Variants in CLEC2A observed in about 807,000 individuals in gnomAD.
CLEC2A encodes the protein keratinocyte-associated C-type lectin.
Under a neutral mutation model 18.6 loss-of-function variants are expected in CLEC2A, and 19 were observed. The ratio of observed to expected loss-of-function variants is 1.02; its 90% confidence interval spans 0.71 to 1.50. The LOEUF (loss-of-function observed/expected upper bound fraction) is 1.50. Among genes scored for constraint, CLEC2A ranks in the 40% most tolerant of loss-of-function variants. The pLI, the probability that CLEC2A is intolerant of heterozygous loss-of-function variation, is 0.00. For synonymous variants in CLEC2A, 74 were observed against 64.0 expected, an observed-to-expected ratio of 1.16 and a Z score of -0.75; for missense variants, 190 against 207.9, an observed-to-expected ratio of 0.91 and a Z score of 0.53.
At chr12:9,911,276 T>C (rs978887161), downstream of CLEC2A, among the ~76,000 whole-genome samples, 1 of 152,132 alleles carries the variant, frequency 6.6e-6, no homozygotes, top group African/African-American at 2.4e-5. Context: ...TGTCTAGGCA[T>C]GTCAGGGCAC....
rs1204284443 is a variant in CLEC2A at position 9,913,581 on chromosome 12, A to G, written c.510T>C (p.Pro170=). ...TTTTTCTGCTCTATAAAAAATATTT[A>G]GGTTTGCTGCAAATCCACTTGATAT... The part of the protein sequence containing the change: ...FIDIKWICSK[P]KYFL The change falls in exon 5 of 5, where the codon CCT becomes CCC. Residue 170 remains proline (P), a synonymous_variant. Transcript: ENST00000455827. The G allele has an allele frequency of 3.2e-6, 5 of 1,546,500 alleles. No individual in the cohort carries two copies. Among genetic ancestry groups the G allele is most frequent in the Non-Finnish European group, 4.4e-6 (5 of 1,145,938 alleles).
downstream of CLEC2A, among the ~76,000 whole-genome samples, chr12:9,895,480 C>G (rs1862746488): frequency 6.6e-6 from 1 of 152,178 alleles, no homozygotes; most frequent in Non-Finnish European, 1.5e-5. Context: ...GCTGGGATGT[C>G]TTCTAGTGTA....
rs1863182821 is a variant in CLEC2A at position 9,922,121 on chromosome 12, A to G, written c.251T>C (p.Ile84Thr). Residue 84 changes from isoleucine (I) to threonine (T), a missense_variant, in exon 3 of 5, where the codon ATA (isoleucine) becomes ACA (threonine). Coordinates refer to ENST00000455827, the MANE Select transcript of CLEC2A (RefSeq NM_001130711.2). ...TTCTGCTTTCTGCAAACTACAAAAT[A>G]TTTTACTGGCTGTCCAATTTCTGGT... ...DDTRNWTASK[I>T]FCSLQKAELA... 1 of 1,551,172 alleles carries G rather than the reference A, an allele frequency of 6.4e-7. No homozygotes were observed. Among genetic ancestry groups the G allele is most frequent in the South Asian group, 1.2e-5 (1 of 83,964 alleles).
intron 3 of CLEC2A, among the ~76,000 whole-genome samples, chr12:9,921,673 C>T (rs1167524446): frequency 6.6e-6 from 1 of 152,018 alleles, no homozygotes; most frequent in Non-Finnish European, 1.5e-5. Flanking sequence ...TTACTGGTAA[C>T]ATAAAAGTAA....
At chr12:9,895,027 A>T (rs1173575949), downstream of CLEC2A, among the ~76,000 whole-genome samples, 1 of 152,216 alleles carries the variant, frequency 6.6e-6, no homozygotes, top group Non-Finnish European at 1.5e-5. Flanking sequence ...AGAATAGTTT[A>T]CAAAATAGCT....
intron 4 of CLEC2A, among the ~76,000 whole-genome samples, chr12:9,903,777 A>C (rs976848707): frequency 6.6e-6 from 1 of 152,238 alleles, no homozygotes; most frequent in Non-Finnish European, 1.5e-5. Flanking sequence ...CCACCAGAAT[A>C]GTAGGGACTC....
intron 3 of CLEC2A, among the ~76,000 whole-genome samples, chr12:9,919,768 A>T (rs950811841): frequency 6.6e-6 from 1 of 152,186 alleles, no homozygotes; most frequent in Non-Finnish European, 1.5e-5. Flanking sequence ...AGGTACCAAC[A>T]GTGAAGCCTA....
chr12:9,911,721 C>G (rs566658073), downstream of CLEC2A, among the ~76,000 whole-genome samples: 1 of 152,292 alleles, frequency 6.6e-6, no homozygotes, highest in East Asian at 1.9e-4. Context: ...TTAATTAGAG[C>G]TCTTTTTGTA....
At chr12:9,921,989 G>A in intron 3 of CLEC2A, 77 bp downstream of exon 3, 2 of 1,163,988 alleles carry the variant, frequency 1.7e-6, no homozygotes, top group Non-Finnish European at 1.2e-6. Flanking sequence ...TTGTATTATA[G>A]TATTAGCTAT....
intron 3 of CLEC2A, among the ~76,000 whole-genome samples, chr12:9,918,192 G>C (rs1863104117): frequency 6.6e-6 from 1 of 152,024 alleles, no homozygotes; most frequent in South Asian, 2.1e-4. Flanking sequence ...GTCCAGGATG[G>C]TATTGCCTAG....
chr12:9,911,911 C>T (rs904125323), downstream of CLEC2A, among the ~76,000 whole-genome samples: 5 of 152,146 alleles, frequency 3.3e-5, no homozygotes, highest in Non-Finnish European at 7.3e-5. Context: ...GCCATGCCCC[C>T]AGGATGTAAA....
chr12:9,899,730 A>C (rs527678868), intron 4 of CLEC2A, among the ~76,000 whole-genome samples: 1 of 152,174 alleles, frequency 6.6e-6, no homozygotes, highest in Admixed American at 6.5e-5. Flanking sequence ...GTAGCCTTGG[A>C]GTTCCCTAGA....
At chr12:9,905,479 T>C (rs999552632) in intron 4 of CLEC2A, among the ~76,000 whole-genome samples, 4 of 152,176 alleles carry the variant, frequency 2.6e-5, no homozygotes, top group Admixed American at 1.3e-4. Flanking sequence ...GTTTCAAACA[T>C]AGGAATATCA....
chr12:9,882,874 T>C, the CLEC2A span, among the ~76,000 whole-genome samples: 1 of 152,192 alleles, frequency 6.6e-6, no homozygotes, highest in African/African-American at 2.4e-5. Flanking sequence ...ATCTCAATAC[T>C]TTGATATATA....
intron 4 of CLEC2A, among the ~76,000 whole-genome samples, chr12:9,905,342 A>G (rs961721190): frequency 6.6e-6 from 1 of 152,148 alleles, no homozygotes; most frequent in Non-Finnish European, 1.5e-5. Flanking sequence ...TGAGAACGTG[A>G]TCCCTAGGCT....
downstream of CLEC2A, among the ~76,000 whole-genome samples, chr12:9,896,838 A>AC (rs1862761775): frequency 6.6e-6 from 1 of 151,436 alleles, no homozygotes; most frequent in African/African-American, 2.4e-5. Flanking sequence ...TCAGAACACA[A>AC]CACGAGATAC....
the CLEC2A span, among the ~76,000 whole-genome samples, chr12:9,888,015 A>G: frequency 1.6e-4 from 22 of 140,660 alleles, no homozygotes; most frequent in African/African-American, 5.9e-4. Context: ...ATGATGGCCC[A>G]CTGCACTTCA....
At chr12:9,902,821 C>T (rs1010313808) in intron 4 of CLEC2A, among the ~76,000 whole-genome samples, 6 of 152,162 alleles carry the variant, frequency 3.9e-5, no homozygotes, top group African/African-American at 1.4e-4. Context: ...AATGCAGTCC[C>T]TGCTTCTGTA....
chr12:9,913,803 C>A, intron 4 of CLEC2A, 123 bp from the exon 5 acceptor site: 1 of 608,318 alleles, frequency 1.6e-6, no homozygotes. Flanking sequence ...AATATACCCA[C>A]CCATCACCAT....
Sources: gnomAD v4.1 joint callset for allele counts (sites outside exome capture counted in the v4.1 genomes callset) on GRCh38, gnomAD v4.1.1 for gene constraint, MANE v1.5 for transcripts, NCBI Gene and HGNC (gene_info 2026-07-23, HGNC 2026-07-21) for gene names.